The following SPOCK3 variants were observed in gnomAD, a reference collection of about 807,000 sequenced individuals.
The protein encoded by SPOCK3 is SPARC (osteonectin), cwcv and kazal like domains proteoglycan 3.
A neutral mutation model predicts 56.6 loss-of-function variants in SPOCK3; 30 were observed. That is an observed-to-expected ratio of 0.53 (90% CI 0.40 to 0.72). The LOEUF (loss-of-function observed/expected upper bound fraction) is 0.72. Among genes scored for constraint, SPOCK3 ranks in the 30% least tolerant of loss-of-function variants. The probability of loss-of-function intolerance (pLI) is 0.00; values close to 1 mark genes in which losing one functional copy is unlikely to be tolerated. For synonymous variants in SPOCK3, 196 were observed against 183.3 expected (o/e 1.07, Z -0.56); for missense variants, 527 against 530.0 (o/e 0.99, Z 0.06).
chr4:167,162,135 G>T (rs1254391307), intron 2 of SPOCK3, among the ~76,000 whole-genome samples: 1 of 151,952 alleles, frequency 6.6e-6, no homozygotes, highest in Non-Finnish European at 1.5e-5. Context: ...ATACCCTTTT[G>T]TCTAATCACA....
At chr4:167,147,958 TAAAA>T (rs954283934) in intron 2 of SPOCK3, among the ~76,000 whole-genome samples, 1 of 149,652 alleles carries the variant, frequency 6.7e-6, no homozygotes, top group African/African-American at 2.4e-5. Flanking sequence ...TAAAGTATAA[TAAAA>T]AGAAAGAAAG....
At chr4:166,923,994 T>C (rs75201913) in intron 4 of SPOCK3, among the ~76,000 whole-genome samples, 9,085 of 152,210 alleles carry the variant, frequency 0.06, 672 homozygotes, top group African/African-American at 0.18. Context: ...TTAGCAGTCG[T>C]GGTCACTGGA....
chr4:166,804,573 C>G (rs957908466), intron 6 of SPOCK3, among the ~76,000 whole-genome samples: 1 of 152,084 alleles, frequency 6.6e-6, no homozygotes, highest in African/African-American at 2.4e-5. Context: ...CATTAAGAAG[C>G]TCTTCTTCTC....
chr4:166,742,587 G>A (rs1734998351), intron 8 of SPOCK3, among the ~76,000 whole-genome samples: 3 of 151,970 alleles, frequency 2.0e-5, no homozygotes, highest in Admixed American at 2.0e-4. Flanking sequence ...CTTCTTTCCA[G>A]TTATGTTAAA....
chr4:167,110,971 A>C (rs879710079), intron 2 of SPOCK3, among the ~76,000 whole-genome samples: 1 of 151,936 alleles, frequency 6.6e-6, no homozygotes, highest in African/African-American at 2.4e-5. Context: ...AGTTATCACA[A>C]TATTTTGGAA....
At chr4:167,114,167 G>A (rs1561230574) in intron 2 of SPOCK3, among the ~76,000 whole-genome samples, 1 of 152,014 alleles carries the variant, frequency 6.6e-6, no homozygotes, top group East Asian at 1.9e-4. Flanking sequence ...AGGTCAATTC[G>A]ACAAACAAAC....
At chr4:166,775,716 C>T (rs1739450705) in intron 7 of SPOCK3, among the ~76,000 whole-genome samples, 1 of 152,164 alleles carries the variant, frequency 6.6e-6, no homozygotes, top group Non-Finnish European at 1.5e-5. Flanking sequence ...GAGGGTGGCC[C>T]ATGAAGTGAA....
chr4:166,789,165 C>A (rs992058256), intron 7 of SPOCK3, among the ~76,000 whole-genome samples: 1 of 152,090 alleles, frequency 6.6e-6, no homozygotes, highest in African/African-American at 2.4e-5. Context: ...TGCGGTGGCT[C>A]ACCCCTGTAA....
At chr4:167,030,083 T>TTCTATCTATCTATCTATCTATCTA (rs59694023) in intron 3 of SPOCK3, among the ~76,000 whole-genome samples, 37 of 141,476 alleles carry the variant, frequency 2.6e-4, no homozygotes, top group East Asian at 6.1e-4. Context: ...TAATGGCTCA[T>TTCTATCTATCTATCTATCTATCTA]TCTATCTATC....
chr4:167,122,042 C>T (rs1185603393), intron 2 of SPOCK3, among the ~76,000 whole-genome samples: 2 of 151,206 alleles, frequency 1.3e-5, no homozygotes, highest in African/African-American at 4.9e-5. Context: ...TGCCTCCCTC[C>T]CTTCCTTCCT....
chr4:166,856,780 TTATCTATCTATCTATC>T (rs75127358), intron 6 of SPOCK3, among the ~76,000 whole-genome samples: 1 of 149,270 alleles, frequency 6.7e-6, no homozygotes, highest in Non-Finnish European at 1.5e-5. Flanking sequence ...CTCAAAAAAA[TTATCTATCTATCTATC>T]TATCTATCTA....
intron 6 of SPOCK3, among the ~76,000 whole-genome samples, chr4:166,827,417 G>A (rs956203144): frequency 3.9e-5 from 6 of 152,056 alleles, no homozygotes; most frequent in African/African-American, 1.4e-4. Flanking sequence ...AGCAGCCAAC[G>A]AATGGCAGTC....
At chr4:166,857,421 G>T (rs1292988123) in intron 6 of SPOCK3, among the ~76,000 whole-genome samples, 1 of 152,130 alleles carries the variant, frequency 6.6e-6, no homozygotes, top group Non-Finnish European at 1.5e-5. Flanking sequence ...TCAGAAATCT[G>T]CATGAGCCAG....
At chr4:166,931,131 G>A (rs928563874) in intron 4 of SPOCK3, among the ~76,000 whole-genome samples, 13 of 152,086 alleles carry the variant, frequency 8.5e-5, no homozygotes, top group South Asian at 2.1e-4. Flanking sequence ...ACAGGCGCCC[G>A]CCACCACGCC....
At chr4:167,130,257 T>C (rs967475213) in intron 2 of SPOCK3, among the ~76,000 whole-genome samples, 4 of 152,146 alleles carry the variant, frequency 2.6e-5, no homozygotes, top group Non-Finnish European at 5.9e-5. Flanking sequence ...TGAGCCACTG[T>C]ACCCAGGCAA....
At chr4:167,142,647 A>C (rs1763630968) in intron 2 of SPOCK3, among the ~76,000 whole-genome samples, 1 of 151,946 alleles carries the variant, frequency 6.6e-6, no homozygotes, top group African/African-American at 2.4e-5. Context: ...AAACCGAACT[A>C]AAGTTTTATT....
chr4:166,984,957 C>G (rs1185997333), intron 4 of SPOCK3, among the ~76,000 whole-genome samples: 2 of 151,994 alleles, frequency 1.3e-5, no homozygotes, highest in African/African-American at 2.4e-5. Flanking sequence ...GTGAGTTTGG[C>G]TTGGAAGAAC....
At chr4:166,735,595 T>TA (rs112741645) in intron 10 of SPOCK3, among the ~76,000 whole-genome samples, 2,725 of 145,764 alleles carry the variant, frequency 0.019, 37 homozygotes, top group African/African-American at 0.035. Context: ...GTTCTTAAAA[T>TA]AAAAAAAAAA....
chr4:167,006,290 A>G (rs1749464786), intron 3 of SPOCK3, among the ~76,000 whole-genome samples: 1 of 152,198 alleles, frequency 6.6e-6, no homozygotes, highest in Non-Finnish European at 1.5e-5. Flanking sequence ...ATAATTTGCC[A>G]CTGAAGAATC....
Sources: gnomAD v4.1 joint callset for allele counts (sites outside exome capture counted in the v4.1 genomes callset) on GRCh38, gnomAD v4.1.1 for gene constraint, MANE v1.5 for transcripts, NCBI Gene and HGNC (gene_info 2026-07-23, HGNC 2026-07-21) for gene names.